THSD7B: variants seen among roughly 807,000 people sequenced by gnomAD.
THSD7B encodes the protein thrombospondin type-1 domain-containing protein 7B.
In THSD7B, 138 loss-of-function variants were observed where a neutral mutation model predicts 213.6. The ratio of observed to expected loss-of-function variants is 0.65; its 90% CI spans 0.56 to 0.74. The LOEUF (loss-of-function observed/expected upper bound fraction) is 0.74, where lower values mean the gene tolerates loss of function less well. Among genes scored for constraint, THSD7B ranks in the 30% least tolerant of loss-of-function variants. The pLI, the probability that THSD7B is intolerant of heterozygous loss-of-function variation, is 0.00. For missense variants in THSD7B, 1,931 were observed against 1,991.5 expected (o/e 0.97, Z 0.58); for synonymous variants, 742 against 687.0 (o/e 1.08, Z -1.25).
chr2:137,469,866 G>A (rs1688059734), intron 15 of THSD7B, among the ~76,000 whole-genome samples: 1 of 152,166 alleles, frequency 6.6e-6, no homozygotes, highest in African/African-American at 2.4e-5. Context: ...GGACTACTAT[G>A]ATGGGGAAGT....
At chr2:137,014,495 C>T (rs1686299151) in intron 2 of THSD7B, among the ~76,000 whole-genome samples, 2 of 152,170 alleles carry the variant, frequency 1.3e-5, no homozygotes, top group Non-Finnish European at 2.9e-5. Flanking sequence ...GCTGCTTTTG[C>T]ACAACAACTC....
chr2:137,536,382 A>T (rs1056976976), intron 15 of THSD7B, among the ~76,000 whole-genome samples: 4 of 151,586 alleles, frequency 2.6e-5, no homozygotes, highest in African/African-American at 9.7e-5. Flanking sequence ...ATCTGAACTG[A>T]ACTCAACTCT....
At chr2:137,075,106 G>C (rs1190518958) in intron 3 of THSD7B, among the ~76,000 whole-genome samples, 1 of 152,116 alleles carries the variant, frequency 6.6e-6, no homozygotes, top group East Asian at 1.9e-4. Flanking sequence ...GGCGTTCTGT[G>C]TATTTCCTGG....
intron 15 of THSD7B, among the ~76,000 whole-genome samples, chr2:137,512,674 G>A (rs992415062): frequency 9.2e-5 from 14 of 151,876 alleles, no homozygotes; most frequent in African/African-American, 2.9e-4. Context: ...GATTACAAGC[G>A]TAAGCCACCA....
At chr2:137,390,991 T>G (rs1167988934) in intron 12 of THSD7B, among the ~76,000 whole-genome samples, 8 of 151,010 alleles carry the variant, frequency 5.3e-5, no homozygotes, top group South Asian at 4.2e-4. Flanking sequence ...TGGTATGGGG[T>G]GTGTGTGTGT....
chr2:137,583,961 T>C (rs1681649694), intron 17 of THSD7B, among the ~76,000 whole-genome samples: 1 of 152,236 alleles, frequency 6.6e-6, no homozygotes. Flanking sequence ...TGATTCTTCC[T>C]ATCCATGAGC....
chr2:136,873,132 C>T (rs1683467747), intron 1 of THSD7B, among the ~76,000 whole-genome samples: 1 of 151,512 alleles, frequency 6.6e-6, no homozygotes, highest in African/African-American at 2.4e-5. Context: ...CTATTTCAAT[C>T]CCTCTTTTTA....
chr2:137,417,890 A>C (rs567882683), intron 14 of THSD7B, among the ~76,000 whole-genome samples: 1 of 152,284 alleles, frequency 6.6e-6, no homozygotes, highest in South Asian at 2.1e-4. Flanking sequence ...AGAAATAGAA[A>C]CTTTTTAGTT....
chr2:137,099,324 A>T (rs1688102234), intron 4 of THSD7B, among the ~76,000 whole-genome samples: 1 of 152,166 alleles, frequency 6.6e-6, no homozygotes, highest in African/African-American at 2.4e-5. Context: ...TATATCCCAG[A>T]TCTCAACTAA....
At chr2:137,380,448 C>T (rs908993658) in intron 12 of THSD7B, among the ~76,000 whole-genome samples, 1 of 152,092 alleles carries the variant, frequency 6.6e-6, no homozygotes, top group Non-Finnish European at 1.5e-5. Context: ...TACTAGTATT[C>T]CTCTGAAAAT....
intron 27 of THSD7B, among the ~76,000 whole-genome samples, chr2:137,669,134 ATATT>A (rs1683511060): frequency 6.6e-6 from 1 of 152,164 alleles, no homozygotes; most frequent in Non-Finnish European, 1.5e-5. Flanking sequence ...CCTAATAAAT[ATATT>A]TATATTCATC....
chr2:137,332,025 C>T (rs960834482), intron 12 of THSD7B, among the ~76,000 whole-genome samples: 2 of 152,198 alleles, frequency 1.3e-5, no homozygotes, highest in East Asian at 1.9e-4. Flanking sequence ...GAGCCGGCTC[C>T]GGCCTTGGCC....
At chr2:137,433,859 C>T (rs1687237581) in intron 14 of THSD7B, among the ~76,000 whole-genome samples, 1 of 152,098 alleles carries the variant, frequency 6.6e-6, no homozygotes. Context: ...TTTTGTAACC[C>T]CCAATCTGAG....
At chr2:137,640,003 G>A (rs1420600234) in intron 20 of THSD7B, among the ~76,000 whole-genome samples, 3 of 152,156 alleles carry the variant, frequency 2.0e-5, no homozygotes, top group Non-Finnish European at 4.4e-5. Context: ...AGACTTTGGG[G>A]AACTGTTGGG....
chr2:137,315,160 C>T (rs372734704), intron 12 of THSD7B, among the ~76,000 whole-genome samples: 10 of 152,330 alleles, frequency 6.6e-5, no homozygotes, highest in Middle Eastern at 3.4e-3. Flanking sequence ...ATCAGCGAGA[C>T]TCCGTGGGCG....
intron 10 of THSD7B, among the ~76,000 whole-genome samples, chr2:137,262,225 C>T (rs1053879179): frequency 3.9e-5 from 6 of 152,186 alleles, no homozygotes; most frequent in Non-Finnish European, 7.3e-5. Context: ...GTTCAATATT[C>T]ATGCCTAATA....
chr2:137,318,433 A>T (rs1342001168), intron 12 of THSD7B, among the ~76,000 whole-genome samples: 1 of 152,156 alleles, frequency 6.6e-6, no homozygotes, highest in Non-Finnish European at 1.5e-5. Context: ...GTCAAGCCTA[A>T]GTCTAGTACT....
chr2:137,418,274 T>C (rs559252399), intron 14 of THSD7B, among the ~76,000 whole-genome samples: 63 of 152,248 alleles, frequency 4.1e-4, no homozygotes, highest in Non-Finnish European at 3.1e-4. Flanking sequence ...CAGTCCTTCT[T>C]CTGGCCAGCC....
At chr2:136,836,090 G>T (rs555970520) in intron 1 of THSD7B, among the ~76,000 whole-genome samples, 4 of 152,270 alleles carry the variant, frequency 2.6e-5, no homozygotes, top group African/African-American at 9.6e-5. Flanking sequence ...TGAAATTAAA[G>T]AATTTGAAGT....
Sources: gnomAD v4.1 joint callset for allele counts (sites outside exome capture counted in the v4.1 genomes callset) on GRCh38, gnomAD v4.1.1 for gene constraint, MANE v1.5 for transcripts, NCBI Gene and HGNC (gene_info 2026-07-23, HGNC 2026-07-21) for gene names.